SNX6: variants seen among roughly 807,000 people sequenced by gnomAD.
SNX6 encodes sorting nexin-6.
Under a neutral mutation model 63.0 loss-of-function variants are expected in SNX6, and 34 were observed. The observed-to-expected ratio is 0.54, with a 90% CI of 0.41 to 0.72. The LOEUF is 0.72. Ranked by LOEUF, SNX6 falls within the 30% of genes least tolerant of loss-of-function variation. The pLI is 0.00. For synonymous variants in SNX6, 170 were observed against 164.2 expected (o/e 1.04, Z -0.27); for missense variants, 398 against 471.4 (o/e 0.84, Z 1.44).
intron 10 of SNX6, among the ~76,000 whole-genome samples, chr14:34,578,177 T>C (rs917950489): frequency 4.0e-5 from 6 of 151,788 alleles, no homozygotes; most frequent in Non-Finnish European, 8.8e-5. Flanking sequence ...GCACTCCAGC[T>C]TGGGTGACAG....
intron 11 of SNX6, chr14:34,568,941 C>T (rs1594692229): frequency 7.5e-7 from 1 of 1,340,698 alleles, no homozygotes; most frequent in East Asian, 2.3e-5. Flanking sequence ...GGTACAGGTG[C>T]CACGCTGTGG....
intron 11 of SNX6, among the ~76,000 whole-genome samples, chr14:34,575,191 C>A (rs981983799): frequency 7.8e-6 from 1 of 128,814 alleles, no homozygotes; most frequent in Non-Finnish European, 1.6e-5. Flanking sequence ...CCACCCCTGG[C>A]CTCAATTTTT....
intron 2 of SNX6, among the ~76,000 whole-genome samples, chr14:34,617,037 G>C (rs147907621): frequency 6.6e-6 from 1 of 152,026 alleles, no homozygotes; most frequent in African/African-American, 2.4e-5. Flanking sequence ...AGCCGAGATC[G>C]CACCACTGCA....
chr14:34,582,149 T>TTTG (rs1881964869), intron 9 of SNX6, among the ~76,000 whole-genome samples: 1 of 148,878 alleles, frequency 6.7e-6, no homozygotes, highest in Non-Finnish European at 1.5e-5. Flanking sequence ...TTTTTTTTTT[T>TTTG]GAGTCAGAGT....
chr14:34,604,131 A>G (rs1249657560), intron 5 of SNX6: 5 of 1,269,012 alleles, frequency 3.9e-6, no homozygotes, highest in Middle Eastern at 2.2e-4. Flanking sequence ...TAAGTTTTAC[A>G]TACCAGCAAA....
At chr14:34,597,499 C>G (rs767744868) in intron 7 of SNX6, 51 bp downstream of exon 7, 2 of 1,062,414 alleles carry the variant, frequency 1.9e-6, no homozygotes, top group African/African-American at 3.2e-5. Context: ...ATCTATCTCC[C>G]TTTTAAAAGA....
intron 11 of SNX6, among the ~76,000 whole-genome samples, chr14:34,572,369 G>C (rs992663610): frequency 1.3e-5 from 2 of 152,102 alleles, no homozygotes; most frequent in Non-Finnish European, 2.9e-5. Context: ...AACATAGTGA[G>C]ACACTTGTCT....
intron 11 of SNX6, among the ~76,000 whole-genome samples, chr14:34,571,977 C>T (rs983022173): frequency 2.0e-5 from 3 of 152,182 alleles, no homozygotes; most frequent in East Asian, 1.9e-4. Flanking sequence ...TGAGCCACCA[C>T]GCCCAGCCCT....
chr14:34,614,899 A>G (rs187818720), intron 2 of SNX6, among the ~76,000 whole-genome samples: 73 of 152,122 alleles, frequency 4.8e-4, no homozygotes, highest in African/African-American at 1.7e-3. Flanking sequence ...CTATTTCAAA[A>G]ATTTTTCTTC....
intron 13 of SNX6, among the ~76,000 whole-genome samples, chr14:34,566,572 A>G (rs765569652): frequency 6.6e-6 from 1 of 152,248 alleles, no homozygotes; most frequent in African/African-American, 2.4e-5. Flanking sequence ...TCAAAAAATG[A>G]TACTGGTTTC....
chr14:34,573,761 G>A (rs546091357), intron 11 of SNX6, among the ~76,000 whole-genome samples: 1 of 151,782 alleles, frequency 6.6e-6, no homozygotes, highest in Admixed American at 6.6e-5. Context: ...TCCTGCCTCA[G>A]CCTCTGGAGT....
intron 9 of SNX6, among the ~76,000 whole-genome samples, chr14:34,585,813 G>A (rs1217355799): frequency 6.6e-6 from 1 of 152,020 alleles, no homozygotes; most frequent in East Asian, 1.9e-4. Context: ...TGTTGGCCAG[G>A]TTGGTCTTGA....
At chr14:34,605,795 T>A (rs1337610736) in intron 4 of SNX6, 78 bp from the exon 5 acceptor site, 1 of 1,513,598 alleles carries the variant, frequency 6.6e-7, no homozygotes, top group Non-Finnish European at 8.8e-7. Context: ...CATAGAAGAC[T>A]GTGTCTGGGA....
chr14:34,607,662 C>G (rs924618187), intron 4 of SNX6, among the ~76,000 whole-genome samples: 3 of 151,952 alleles, frequency 2.0e-5, no homozygotes, highest in African/African-American at 7.2e-5. Context: ...AATCTCAGCA[C>G]TTTGGGAGGC....
chr14:34,596,807 T>C (rs1334784925), intron 7 of SNX6, among the ~76,000 whole-genome samples: 1 of 151,766 alleles, frequency 6.6e-6, no homozygotes, highest in African/African-American at 2.4e-5. Context: ...TAGCTGGGAT[T>C]ACAGGCACGC....
intron 3 of SNX6, 137 bp downstream of exon 3, chr14:34,609,501 A>AAG (rs1166821185): frequency 4.0e-6 from 2 of 500,310 alleles, no homozygotes; most frequent in East Asian, 3.5e-5. Flanking sequence ...AAAAAAAAAA[A>AAG]AAAGTACATT....
At chr14:34,627,651 A>G (rs1164221331) in intron 2 of SNX6, among the ~76,000 whole-genome samples, 1 of 151,968 alleles carries the variant, frequency 6.6e-6, no homozygotes, top group Admixed American at 6.6e-5. Flanking sequence ...CACCATGCCC[A>G]GCTAATTTTT....
At chr14:34,625,672 T>C (rs1216669235) in intron 2 of SNX6, among the ~76,000 whole-genome samples, 2 of 151,688 alleles carry the variant, frequency 1.3e-5, no homozygotes, top group South Asian at 2.1e-4. Context: ...GAGGTGGAGG[T>C]TGCAGTGAGC....
intron 2 of SNX6, among the ~76,000 whole-genome samples, chr14:34,624,648 TA>T (rs1372820188): frequency 6.6e-6 from 1 of 151,584 alleles, no homozygotes; most frequent in African/African-American, 2.4e-5. Flanking sequence ...ATACAAAAAT[TA>T]GCTGGGCGTG....
Sources: allele counts gnomAD v4.1 joint callset (sites outside exome capture counted in the v4.1 genomes callset), GRCh38; gene constraint gnomAD v4.1.1; transcripts MANE v1.5; gene names NCBI Gene and HGNC (gene_info 2026-07-23, HGNC 2026-07-21).